The following CSMD1 variants were observed in gnomAD, a reference collection of about 807,000 sequenced individuals.
CSMD1 encodes CUB and sushi domain-containing protein 1.
Under a neutral mutation model 417.5 loss-of-function variants are expected in CSMD1, and 213 were observed. That is an observed-to-expected ratio of 0.51 (90% CI 0.46 to 0.57). The LOEUF (loss-of-function observed/expected upper bound fraction) is 0.57, where lower values mean the gene tolerates loss of function less well. Ranked by LOEUF, CSMD1 falls within the 20% of genes least tolerant of loss-of-function variation. The pLI, the probability that CSMD1 is intolerant of heterozygous loss-of-function variation, is 0.00. For missense variants in CSMD1, 6,923 were observed against 4,529.7 expected (o/e 1.53, Z -15.17); for synonymous variants, 2,862 against 1,736.8 (o/e 1.65, Z -16.11).
intron 41 of CSMD1, chr8:3,128,905 T>C (rs773295486): frequency 4.7e-4 from 212 of 452,796 alleles, no homozygotes; most frequent in Non-Finnish European, 8.3e-4. Flanking sequence ...ATCCTCCTAT[T>C]GCAAGAGACA....
chr8:4,363,800 C>A (rs757745921), intron 3 of CSMD1, among the ~76,000 whole-genome samples: 2 of 152,072 alleles, frequency 1.3e-5, no homozygotes, highest in Non-Finnish European at 2.9e-5. Context: ...ATCTCATTTT[C>A]TTTATAAATT....
intron 3 of CSMD1, among the ~76,000 whole-genome samples, chr8:4,143,394 G>C (rs1387124858): frequency 7.0e-6 from 1 of 142,312 alleles, no homozygotes; most frequent in African/African-American, 2.7e-5. Flanking sequence ...TTTTGCTACA[G>C]ACTAAGTTAA....
At chr8:3,886,709 C>G (rs375277912) in intron 5 of CSMD1, among the ~76,000 whole-genome samples, 133 of 152,270 alleles carry the variant, frequency 8.7e-4, no homozygotes, top group African/African-American at 2.9e-3. Flanking sequence ...TTATGGAAGT[C>G]TTAATCTAGT....
intron 23 of CSMD1, among the ~76,000 whole-genome samples, chr8:3,338,605 G>C (rs1430524198): frequency 6.6e-6 from 1 of 152,174 alleles, no homozygotes; most frequent in Non-Finnish European, 1.5e-5. Flanking sequence ...CCTGGGCTCA[G>C]AGTCAGGGCC....
intron 1 of CSMD1, among the ~76,000 whole-genome samples, chr8:4,709,625 G>A (rs183228214): frequency 1.4e-3 from 211 of 152,242 alleles, no homozygotes; most frequent in Admixed American, 2.2e-3. Flanking sequence ...ATATAAAACT[G>A]GCCAGGAGCC....
chr8:2,991,739 T>C (rs761501388), intron 54 of CSMD1, among the ~76,000 whole-genome samples: 2 of 152,210 alleles, frequency 1.3e-5, no homozygotes, highest in Admixed American at 6.5e-5. Context: ...AAAAGAGTAT[T>C]CCTGTGTTTA....
At chr8:4,173,318 C>T (rs868185442) in intron 3 of CSMD1, among the ~76,000 whole-genome samples, 1 of 152,100 alleles carries the variant, frequency 6.6e-6, no homozygotes, top group Non-Finnish European at 1.5e-5. Context: ...GAAATTTGTG[C>T]TGTATATGGC....
At chr8:3,451,455 C>T (rs991869485) in intron 12 of CSMD1, among the ~76,000 whole-genome samples, 2 of 152,166 alleles carry the variant, frequency 1.3e-5, no homozygotes, top group African/African-American at 4.8e-5. Context: ...TTAGGGCTAA[C>T]ATTTAAGTGT....
At chr8:4,940,814 G>T (rs141143379) in intron 1 of CSMD1, among the ~76,000 whole-genome samples, 3 of 152,176 alleles carry the variant, frequency 2.0e-5, no homozygotes, top group Non-Finnish European at 2.9e-5. Flanking sequence ...TCTGTACCAT[G>T]TGTCAGCTTG....
chr8:3,777,395 C>G (rs151027004), intron 5 of CSMD1, among the ~76,000 whole-genome samples: 114 of 152,200 alleles, frequency 7.5e-4, no homozygotes, highest in Non-Finnish European at 1.4e-3. Context: ...TGCATGGCCC[C>G]CTCCACTGCT....
Position 3,423,039 on chromosome 8 carries a change from G to A in CSMD1, c.1562-13434C>T, listed in dbSNP as rs1451623030. 3.3e-5 allele frequency among the ~76,000 whole-genome samples: 5 copies of A among 152,174 alleles called. No individual in the cohort carries two copies. In the East Asian group the frequency reaches 9.6e-4, roughly 29 times the overall value. ...GAGACACCTTCAAACACCAGCACCA[G>A]CTAGTCGAGTTGTACAGTCCTATGT... On this transcript the variant is annotated intron_variant, in intron 12 of 69. Coordinates refer to ENST00000635120, the MANE Select transcript of CSMD1 (RefSeq NM_033225.6).
chr8:3,481,861 A>G (rs558438661), intron 11 of CSMD1, among the ~76,000 whole-genome samples: 56 of 152,092 alleles, frequency 3.7e-4, no homozygotes, highest in African/African-American at 1.3e-3. Context: ...GGCCTAGAAA[A>G]CCTGACTTGG....
At chr8:3,786,593 T>C (rs1197876220) in intron 5 of CSMD1, among the ~76,000 whole-genome samples, 2 of 152,136 alleles carry the variant, frequency 1.3e-5, no homozygotes, top group African/African-American at 4.8e-5. Flanking sequence ...GGAAAATCGC[T>C]GTTGGGCTCT....
chr8:3,870,213 T>G (rs925060776), intron 5 of CSMD1, among the ~76,000 whole-genome samples: 1 of 152,192 alleles, frequency 6.6e-6, no homozygotes, highest in African/African-American at 2.4e-5. Context: ...GTCAACCATA[T>G]TTCTCTTTCT....
chr8:3,535,117 T>G (rs113694808), intron 10 of CSMD1, among the ~76,000 whole-genome samples: 1 of 142,344 alleles, frequency 7.0e-6, no homozygotes, highest in Non-Finnish European at 1.5e-5. Context: ...CAGCTAATAT[T>G]TTTTTTTTTT....
At chr8:4,859,159 A>C (rs1264289436) in intron 1 of CSMD1, among the ~76,000 whole-genome samples, 3 of 152,020 alleles carry the variant, frequency 2.0e-5, no homozygotes, top group Non-Finnish European at 4.4e-5. Context: ...AAAACAAGCA[A>C]TGGGGAAAGG....
chr8:4,386,879 A>C (rs1356033798), intron 3 of CSMD1, among the ~76,000 whole-genome samples: 1 of 152,230 alleles, frequency 6.6e-6, no homozygotes, highest in African/African-American at 2.4e-5. Context: ...GGATGACTGA[A>C]AAAGGTATAG....
chr8:4,814,731 T>G (rs1450325307), intron 1 of CSMD1, among the ~76,000 whole-genome samples: 4 of 152,174 alleles, frequency 2.6e-5, no homozygotes, highest in African/African-American at 7.2e-5. Flanking sequence ...AGGTTTCCAG[T>G]ATTTTTGTCC....
intron 11 of CSMD1, among the ~76,000 whole-genome samples, chr8:3,471,430 A>G (rs113498575): frequency 0.018 from 2,773 of 152,238 alleles, 100 homozygotes; most frequent in African/African-American, 0.062. Flanking sequence ...ATTATATTCC[A>G]TAAGTATTAG....
Sources: gnomAD v4.1 joint callset for allele counts (sites outside exome capture counted in the v4.1 genomes callset) on GRCh38, gnomAD v4.1.1 for gene constraint, MANE v1.5 for transcripts, NCBI Gene and HGNC (gene_info 2026-07-23, HGNC 2026-07-21) for gene names.